The following RBFOX1 variants were observed in gnomAD, a reference collection of about 807,000 sequenced individuals.
RBFOX1 encodes the protein RNA binding protein fox-1 homolog 1.
In RBFOX1, 8 loss-of-function variants were observed where a neutral mutation model predicts 57.7. That is an observed-to-expected ratio of 0.14 (90% CI 0.08 to 0.25). RBFOX1 has a LOEUF of 0.25. Ranked by LOEUF, RBFOX1 falls within the 10% of genes least tolerant of loss-of-function variation. RBFOX1 has a pLI of 1.00. For missense variants in RBFOX1, 611 were observed against 548.5 expected, an observed-to-expected ratio of 1.11 and a Z score of -1.14; for synonymous variants, 326 against 222.4, an observed-to-expected ratio of 1.47 and a Z score of -4.15.
intron 3 of RBFOX1, among the ~76,000 whole-genome samples, chr16:5,671,358 G>T (rs143233843): frequency 1.1e-4 from 16 of 152,186 alleles, no homozygotes; most frequent in East Asian, 1.9e-4. Context: ...AGAGAGGGAT[G>T]CTCCATTATT....
intron 1 of RBFOX1, among the ~76,000 whole-genome samples, chr16:6,304,411 C>T (rs563135688): frequency 1.3e-5 from 2 of 152,236 alleles, no homozygotes; most frequent in African/African-American, 2.4e-5. Context: ...TACTGTATCC[C>T]TCCTCCGTCT....
At chr16:6,205,744 G>A (rs899981191) in intron 1 of RBFOX1, among the ~76,000 whole-genome samples, 5 of 151,166 alleles carry the variant, frequency 3.3e-5, no homozygotes, top group Admixed American at 3.3e-4. Context: ...GGTGTGTTTG[G>A]TTATTCTATT....
intron 1 of RBFOX1, among the ~76,000 whole-genome samples, chr16:5,357,943 T>G (rs117145561): frequency 1.6e-3 from 239 of 152,352 alleles, no homozygotes; most frequent in Non-Finnish European, 3.1e-3. Context: ...TGGAATACAT[T>G]AAAAATTGCT....
intron 3 of RBFOX1, among the ~76,000 whole-genome samples, chr16:6,957,263 C>G (rs568910816): frequency 6.6e-6 from 1 of 151,878 alleles, no homozygotes; most frequent in Non-Finnish European, 1.5e-5. Flanking sequence ...TCCCGAGTAG[C>G]TGGGACTACA....
intron 3 of RBFOX1, among the ~76,000 whole-genome samples, chr16:6,747,933 G>C (rs907931252): frequency 6.6e-6 from 1 of 152,146 alleles, no homozygotes; most frequent in African/African-American, 2.4e-5. Flanking sequence ...ATCAACTTCA[G>C]CATCATGAGG....
intron 4 of RBFOX1, among the ~76,000 whole-genome samples, chr16:7,322,253 C>G (rs1187853506): frequency 6.6e-6 from 1 of 152,238 alleles, no homozygotes; most frequent in Non-Finnish European, 1.5e-5. Context: ...TAAGCACAGA[C>G]TTGCTTTTAC....
rs115789969 is a variant in RBFOX1, at chr16:7,270,601, G to A, written c.27+218503G>A. ...TCATATTTATTCCTATGAGATAAAA[G>A]AAAATAGGTCTTAAAATTCAGTGTT... On this transcript the variant is annotated intron_variant, in intron 4 of 15. Coordinates refer to ENST00000550418, the MANE Select transcript of RBFOX1 (RefSeq NM_018723.4). Among the ~76,000 whole-genome samples the A allele has an allele frequency of 4.1e-3, 626 of 152,286 alleles. 7 individuals carry two copies. Among genetic ancestry groups the A allele is most frequent in the African/African-American group, 0.014 (596 of 41,574 alleles).
chr16:7,335,875 C>G (rs550356857), intron 4 of RBFOX1, among the ~76,000 whole-genome samples: 1 of 152,230 alleles, frequency 6.6e-6, no homozygotes, highest in East Asian at 1.9e-4. Flanking sequence ...GTTTTTCCCT[C>G]CAGCCAGGTA....
chr16:6,874,025 G>A (rs1229697197), intron 3 of RBFOX1: 1 of 152,120 alleles, frequency 6.6e-6, no homozygotes, highest in Non-Finnish European at 1.5e-5. Context: ...AGAAATACCT[G>A]TTGATCCATT....
chr16:7,514,970 A>C (rs896780602), intron 4 of RBFOX1, among the ~76,000 whole-genome samples: 5 of 152,140 alleles, frequency 3.3e-5, no homozygotes, highest in African/African-American at 1.2e-4. Flanking sequence ...TGTCTGTACC[A>C]CTGCTTATGT....
At chr16:6,519,277 A>T (rs958702468) in intron 2 of RBFOX1, among the ~76,000 whole-genome samples, 1 of 152,152 alleles carries the variant, frequency 6.6e-6, no homozygotes, top group Non-Finnish European at 1.5e-5. Flanking sequence ...GGGTCAAATG[A>T]AATGAGAATA....
At chr16:5,738,220 C>G (rs1022781703) in intron 3 of RBFOX1, among the ~76,000 whole-genome samples, 1 of 152,124 alleles carries the variant, frequency 6.6e-6, no homozygotes, top group South Asian at 2.1e-4. Flanking sequence ...AACTTTGTCA[C>G]ATGCAGAGAA....
In RBFOX1 at chr16:5,544,951, C is replaced by CTTTTTTTTTTTT. The variant is rs59873374; in HGVS notation, c.259-53919_259-53908dup. Among the ~76,000 whole-genome samples, 81 of 124,370 alleles carry CTTTTTTTTTTTT rather than the reference C, an allele frequency of 6.5e-4. 5 individuals are homozygous for CTTTTTTTTTTTT. The highest frequency in any genetic ancestry group is 8.6e-4 in the African/African-American group (25 of 29,014). The allele number at this position is 124,370 out of a possible 152,430, so 81.6% of individuals were successfully genotyped here. On this transcript the variant is annotated intron_variant, in intron 2 of 2. Transcript: ENST00000585867. ...GTATAGATGGCCTTACTATTACATTCTTTTTTTTTTTTTTTTTTTTTTTTT... is the reference window on the plus strand; with the variant it reads ...GTATAGATGGCCTTACTATTACATTCTTTTTTTTTTTTTTTTTTTTTTTTTTTTTTTTTTTTT...
chr16:7,023,034 G>A (rs1232312313), intron 3 of RBFOX1, among the ~76,000 whole-genome samples: 2 of 152,256 alleles, frequency 1.3e-5, no homozygotes, highest in Admixed American at 6.5e-5. Context: ...AAAATAAGAA[G>A]GAATGACCAT....
intron 3 of RBFOX1, among the ~76,000 whole-genome samples, chr16:5,635,331 C>T (rs189534022): frequency 2.0e-5 from 3 of 152,176 alleles, no homozygotes; most frequent in South Asian, 2.1e-4. Flanking sequence ...AGGGAATATG[C>T]AGCCTCCTAG....
intron 2 of RBFOX1, among the ~76,000 whole-genome samples, chr16:6,608,584 T>G (rs1249027765): frequency 6.6e-6 from 1 of 151,974 alleles, no homozygotes; most frequent in East Asian, 1.9e-4. Flanking sequence ...AGACCAGGAG[T>G]TTGAGATGAG....
At chr16:6,114,571 G>A (rs1309111952) in intron 1 of RBFOX1, among the ~76,000 whole-genome samples, 1 of 151,870 alleles carries the variant, frequency 6.6e-6, no homozygotes, top group African/African-American at 2.4e-5. Context: ...TTTTCTTGGA[G>A]GGGGCGTAAC....
intron 4 of RBFOX1, among the ~76,000 whole-genome samples, chr16:5,890,190 C>G (rs1429307929): frequency 6.6e-6 from 1 of 152,172 alleles, no homozygotes; most frequent in Non-Finnish European, 1.5e-5. Context: ...AAGTACGATA[C>G]TGTACCTCTT....
chr16:7,273,598 A>T (rs974300209), intron 4 of RBFOX1, among the ~76,000 whole-genome samples: 1 of 152,212 alleles, frequency 6.6e-6, no homozygotes, highest in South Asian at 2.1e-4. Flanking sequence ...CAAACAAGAT[A>T]CTTACCTCCC....
Sources: allele counts gnomAD v4.1 joint callset (sites outside exome capture counted in the v4.1 genomes callset), GRCh38; gene constraint gnomAD v4.1.1; transcripts MANE v1.5; gene names NCBI Gene and HGNC (gene_info 2026-07-23, HGNC 2026-07-21).